The following PTPN4 variants were observed in gnomAD, a reference collection of about 807,000 sequenced individuals.
PTPN4 encodes the protein protein tyrosine phosphatase non-receptor type 4, also known as tyrosine-protein phosphatase non-receptor type 4.
A neutral mutation model predicts 135.5 loss-of-function variants in PTPN4; 49 were observed. The ratio of observed to expected loss-of-function variants is 0.36; its 90% CI spans 0.29 to 0.46. PTPN4 has a LOEUF of 0.46. Among genes scored for constraint, PTPN4 ranks in the 20% least tolerant of loss-of-function variants. The pLI is 1.00. For synonymous variants in PTPN4, 333 were observed against 369.9 expected (o/e 0.90, Z 1.14); for missense variants, 860 against 1,101.0 (o/e 0.78, Z 3.10).
chr2:119,768,982 C>T (rs1690687538), intron 1 of PTPN4, among the ~76,000 whole-genome samples: 1 of 152,194 alleles, frequency 6.6e-6, no homozygotes, highest in Admixed American at 6.5e-5. Context: ...TCCTGTACTG[C>T]ATAGCCTCTG....
chr2:119,785,112 C>T (rs1015550080), intron 1 of PTPN4, among the ~76,000 whole-genome samples: 4 of 152,116 alleles, frequency 2.6e-5, no homozygotes, highest in Non-Finnish European at 4.4e-5. Flanking sequence ...GCGTCCCTGG[C>T]GTCTCTGCAC....
At chr2:119,831,519 CCAA>C (rs1322077477) in intron 2 of PTPN4, among the ~76,000 whole-genome samples, 1 of 152,164 alleles carries the variant, frequency 6.6e-6, no homozygotes, top group Non-Finnish European at 1.5e-5. Context: ...TGTGAGTTCT[CCAA>C]CATTCTTTTT....
intron 10 of PTPN4, among the ~76,000 whole-genome samples, chr2:119,906,738 T>G (rs1678495472): frequency 6.6e-6 from 1 of 152,224 alleles, no homozygotes; most frequent in Non-Finnish European, 1.5e-5. Context: ...TGAAAGCTTT[T>G]CTTCTAAGAA....
chr2:119,980,605 T>C lies in PTPN4; in HGVS notation c.*3535T>C, dbSNP rs1256429156. On this transcript the variant is annotated 3_prime_UTR_variant, in exon 27 of 27. Transcript: ENST00000263708. ...CAATAAATTATAACCTATGTGAATA[T>C]CATAAATTCTTGTGAATTTTTGTCT... 6.6e-6 allele frequency: 1 copy of C among 152,032 alleles called. No homozygotes were observed. The highest frequency in any genetic ancestry group is 1.9e-4 in the East Asian group (1 of 5,194). 9.4% of individuals were successfully genotyped at this position (152,032 alleles called of 1,614,324 possible). A position where few individuals can be genotyped will look rare whatever the true frequency, so the allele number is the denominator to read the frequency against.
At chr2:119,892,257 G>C (rs771243219) in intron 9 of PTPN4, among the ~76,000 whole-genome samples, 2 of 152,202 alleles carry the variant, frequency 1.3e-5, no homozygotes, top group Non-Finnish European at 2.9e-5. Flanking sequence ...ACTCATGAGG[G>C]AGCTTTCTGG....
chr2:119,874,242 A>C (rs1677953693), intron 3 of PTPN4, among the ~76,000 whole-genome samples: 1 of 152,238 alleles, frequency 6.6e-6, no homozygotes, highest in South Asian at 2.1e-4. Flanking sequence ...TGTAAAAGGT[A>C]CAGCCATTGT....
At chr2:119,870,573 A>T (rs1295938850) in intron 3 of PTPN4, among the ~76,000 whole-genome samples, 2 of 152,196 alleles carry the variant, frequency 1.3e-5, no homozygotes, top group East Asian at 3.8e-4. Context: ...TAACAGGTAT[A>T]AAAATGGAAT....
chr2:119,938,838 G>T (rs1558769603), intron 15 of PTPN4, among the ~76,000 whole-genome samples: 1 of 151,628 alleles, frequency 6.6e-6, no homozygotes, highest in Non-Finnish European at 1.5e-5. Context: ...TTTAGAAAAA[G>T]ATTCCACTGC....
intron 19 of PTPN4, among the ~76,000 whole-genome samples, chr2:119,953,971 T>C (rs1404609724): frequency 6.6e-6 from 1 of 152,214 alleles, no homozygotes; most frequent in Admixed American, 6.5e-5. Context: ...CTAAATTGTT[T>C]CATAGTCAAA....
At chr2:119,933,262 A>G (rs1430475539) in intron 14 of PTPN4, among the ~76,000 whole-genome samples, 1 of 152,236 alleles carries the variant, frequency 6.6e-6, no homozygotes, top group African/African-American at 2.4e-5. Flanking sequence ...CCATATTAAC[A>G]TACTTAGTTA....
intron 24 of PTPN4, among the ~76,000 whole-genome samples, chr2:119,963,336 A>G (rs1197274497): frequency 1.3e-5 from 2 of 152,182 alleles, no homozygotes; most frequent in Non-Finnish European, 2.9e-5. Context: ...CAATTGGAAG[A>G]TGTATGTAGA....
intron 1 of PTPN4, among the ~76,000 whole-genome samples, chr2:119,796,954 A>G (rs1438953595): frequency 6.6e-6 from 1 of 151,764 alleles, no homozygotes; most frequent in Non-Finnish European, 1.5e-5. Context: ...GCCTGAGCCT[A>G]ATGTCTCATG....
chr2:119,856,135 T>C (rs1677677070), intron 2 of PTPN4, among the ~76,000 whole-genome samples: 1 of 152,144 alleles, frequency 6.6e-6, no homozygotes, highest in South Asian at 2.1e-4. Context: ...GTCAACATGG[T>C]GACTTAGAGC....
intron 2 of PTPN4, among the ~76,000 whole-genome samples, chr2:119,860,214 G>C (rs965066167): frequency 9.2e-5 from 14 of 152,312 alleles, no homozygotes; most frequent in Middle Eastern, 6.8e-3. Flanking sequence ...GAGGTAGACT[G>C]TATCAGTATA....
intron 2 of PTPN4, among the ~76,000 whole-genome samples, chr2:119,846,326 A>G (rs1334635188): frequency 6.6e-6 from 1 of 152,222 alleles, no homozygotes; most frequent in African/African-American, 2.4e-5. Flanking sequence ...TGTCTGTTTT[A>G]TAGGTACATA....
Position 119,983,297 on chromosome 2 carries a change from A to C in PTPN4, c.*6227A>C, listed in dbSNP as rs1679721653. 2 of 152,320 alleles carry C rather than the reference A, an allele frequency of 1.3e-5. No homozygotes were observed. Among genetic ancestry groups the C allele is most frequent in the South Asian group, 4.1e-4 (2 of 4,820 alleles). The allele number at this position is 152,320 out of a possible 1,614,324, so 9.4% of individuals were successfully genotyped here. ...GAGATAGCCCCGCTCACACCCTTAG[A>C]CCCAAACAGGTGCTGGTTCATGCTT... On this transcript the variant is annotated 3_prime_UTR_variant, in exon 27 of 27. Transcript: ENST00000263708.
chr2:119,966,666 A>T (rs1432746489), intron 25 of PTPN4, among the ~76,000 whole-genome samples: 1 of 152,192 alleles, frequency 6.6e-6, no homozygotes, highest in Non-Finnish European at 1.5e-5. Context: ...TAATATTTAG[A>T]TTCCCTTCCT....
intron 1 of PTPN4, among the ~76,000 whole-genome samples, chr2:119,765,032 TTCTGAGTCA>T: frequency 6.6e-6 from 1 of 152,098 alleles, no homozygotes; most frequent in East Asian, 1.9e-4. Flanking sequence ...ACTGTCTGAT[TTCTGAGTCA>T]GGAGTCAAAT....
intron 3 of PTPN4, among the ~76,000 whole-genome samples, chr2:119,864,748 A>G (rs1677808847): frequency 6.6e-6 from 1 of 152,204 alleles, no homozygotes; most frequent in South Asian, 2.1e-4. Context: ...TAATTACACC[A>G]GAATGAATGT....
Sources: gnomAD v4.1 joint callset for allele counts (sites outside exome capture counted in the v4.1 genomes callset) on GRCh38, gnomAD v4.1.1 for gene constraint, MANE v1.5 for transcripts, NCBI Gene and HGNC (gene_info 2026-07-23, HGNC 2026-07-21) for gene names.